Variants in RPS6KC1 observed in about 807,000 individuals in gnomAD.
RPS6KC1 encodes ribosomal protein S6 kinase C1, also known as inactive ribosomal protein S6 kinase delta-1.
Under a neutral mutation model 103.8 loss-of-function variants are expected in RPS6KC1, and 54 were observed. That is an observed-to-expected ratio of 0.52 (90% confidence interval 0.42 to 0.65). The LOEUF (loss-of-function observed/expected upper bound fraction) is 0.65. RPS6KC1 is among the 30% of genes least tolerant of loss of function. The pLI is 0.00. For synonymous variants in RPS6KC1, 439 were observed against 438.7 expected (o/e 1.00, Z -0.01); for missense variants, 1,151 against 1,253.8 (o/e 0.92, Z 1.24).
the RPS6KC1 span, among the ~76,000 whole-genome samples, chr1:213,286,834 A>G: frequency 6.6e-6 from 1 of 152,206 alleles, no homozygotes; most frequent in Non-Finnish European, 1.5e-5. Flanking sequence ...AAGGGATACA[A>G]TCTGGGTTTG....
At chr1:213,310,245 A>G in the RPS6KC1 span, among the ~76,000 whole-genome samples, 829 of 152,264 alleles carry the variant, frequency 5.4e-3, 10 homozygotes, top group African/African-American at 0.016. Context: ...TCCTCTGCTC[A>G]TAACTTCCAG....
intron 14 of RPS6KC1, among the ~76,000 whole-genome samples, chr1:213,266,694 G>C (rs1573717637): frequency 6.6e-6 from 1 of 152,150 alleles, no homozygotes; most frequent in East Asian, 1.9e-4. Flanking sequence ...ATCACCTGAG[G>C]TCAGGAGTTC....
At chr1:213,202,264 A>G (rs1312485973) in intron 8 of RPS6KC1, among the ~76,000 whole-genome samples, 1 of 152,172 alleles carries the variant, frequency 6.6e-6, no homozygotes, top group African/African-American at 2.4e-5. Context: ...ACTTCCTTTA[A>G]AAAATCAGTG....
the RPS6KC1 span, among the ~76,000 whole-genome samples, chr1:213,458,776 T>C: frequency 6.6e-6 from 1 of 152,224 alleles, no homozygotes; most frequent in Non-Finnish European, 1.5e-5. Flanking sequence ...TATTTTGAGA[T>C]ACATTCCGTC....
chr1:213,466,592 A>C, the RPS6KC1 span, among the ~76,000 whole-genome samples: 1 of 152,228 alleles, frequency 6.6e-6, no homozygotes, highest in Non-Finnish European at 1.5e-5. Context: ...ACATTTGTAC[A>C]TGTTTAATGC....
chr1:213,732,289 T>G, the RPS6KC1 span, among the ~76,000 whole-genome samples: 1 of 152,296 alleles, frequency 6.6e-6, no homozygotes, highest in East Asian at 1.9e-4. Context: ...TGAGTCAAAG[T>G]GTGGCTTTAA....
chr1:213,476,994 A>G, the RPS6KC1 span, among the ~76,000 whole-genome samples: 3 of 152,190 alleles, frequency 2.0e-5, no homozygotes, highest in African/African-American at 4.8e-5. Context: ...CAAATTTCCA[A>G]AGAGGGACAC....
chr1:213,115,430 T>C (rs2083479107), intron 4 of RPS6KC1, among the ~76,000 whole-genome samples: 1 of 152,234 alleles, frequency 6.6e-6, no homozygotes, highest in South Asian at 2.1e-4. Flanking sequence ...TGCGTCTATT[T>C]GATTCTTCTC....
At chr1:213,747,761 C>G in the RPS6KC1 span, among the ~76,000 whole-genome samples, 27 of 152,204 alleles carry the variant, frequency 1.8e-4, no homozygotes, top group South Asian at 8.3e-4. Context: ...TAAAAATGTT[C>G]CATAAACAGG....
chr1:213,363,202 C>G, the RPS6KC1 span, among the ~76,000 whole-genome samples: 7 of 152,208 alleles, frequency 4.6e-5, no homozygotes, highest in Non-Finnish European at 8.8e-5. Context: ...CTCTCTGACT[C>G]TTCCTCCTGC....
chr1:213,485,323 A>AT, the RPS6KC1 span, among the ~76,000 whole-genome samples: 1 of 152,150 alleles, frequency 6.6e-6, no homozygotes, highest in Non-Finnish European at 1.5e-5. Context: ...TCCATCATTG[A>AT]TTGAGGACGG....
chr1:213,803,240 CT>C, the RPS6KC1 span, among the ~76,000 whole-genome samples: 2,791 of 101,398 alleles, frequency 0.028, 41 homozygotes, highest in African/African-American at 0.064. Flanking sequence ...AAGGCAGTGG[CT>C]TTTTTTTTTT....
At chr1:213,142,071 A>G (rs552318288) in intron 6 of RPS6KC1, among the ~76,000 whole-genome samples, 44 of 152,168 alleles carry the variant, frequency 2.9e-4, no homozygotes, top group Non-Finnish European at 5.1e-4. Context: ...GGGTGCATAT[A>G]TATTTAGGAT....
chr1:213,353,174 G>C, the RPS6KC1 span, among the ~76,000 whole-genome samples: 3 of 152,224 alleles, frequency 2.0e-5, no homozygotes, highest in Non-Finnish European at 2.9e-5. Context: ...GTTTTCCCCA[G>C]CAGGGTCTTG....
At chr1:213,069,652 A>G (rs776218799) in intron 1 of RPS6KC1, among the ~76,000 whole-genome samples, 16 of 152,306 alleles carry the variant, frequency 1.1e-4, no homozygotes, top group East Asian at 9.6e-4. Flanking sequence ...CTAGGCAACC[A>G]TTTTAATGTG....
At chr1:213,306,490 A>T in the RPS6KC1 span, among the ~76,000 whole-genome samples, 1 of 152,214 alleles carries the variant, frequency 6.6e-6, no homozygotes, top group African/African-American at 2.4e-5. Context: ...CAAATATGTG[A>T]AGCTGTATGC....
chr1:213,838,984 G>A, the RPS6KC1 span, among the ~76,000 whole-genome samples: 1 of 152,206 alleles, frequency 6.6e-6, no homozygotes, highest in Admixed American at 6.5e-5. Context: ...GCAATATGGT[G>A]TCTGTAAGAT....
At chr1:213,193,346 C>T (rs2092820911) in intron 8 of RPS6KC1, among the ~76,000 whole-genome samples, 1 of 152,148 alleles carries the variant, frequency 6.6e-6, no homozygotes, top group African/African-American at 2.4e-5. Context: ...GTAACCTCTG[C>T]CTCCTGGGTT....
the RPS6KC1 span, among the ~76,000 whole-genome samples, chr1:213,370,093 C>A: frequency 6.6e-6 from 1 of 152,082 alleles, no homozygotes; most frequent in Non-Finnish European, 1.5e-5. Context: ...GAATTTCTAA[C>A]CTCCAGGGCC....
Sources: gnomAD v4.1 joint callset for allele counts (sites outside exome capture counted in the v4.1 genomes callset) on GRCh38, gnomAD v4.1.1 for gene constraint, MANE v1.5 for transcripts, NCBI Gene and HGNC (gene_info 2026-07-23, HGNC 2026-07-21) for gene names.